LRRC41: variants seen among roughly 807,000 people sequenced by gnomAD.
LRRC41 encodes leucine-rich repeat-containing protein 41.
Under a neutral mutation model 72.1 loss-of-function variants are expected in LRRC41, and 17 were observed. That is an observed-to-expected ratio of 0.24 (90% CI 0.16 to 0.35). LRRC41 has a LOEUF of 0.35. Ranked by LOEUF, LRRC41 falls within the 10% of genes least tolerant of loss-of-function variation. The probability of loss-of-function intolerance (pLI) is 1.00; values close to 1 mark genes in which losing one functional copy is unlikely to be tolerated. For synonymous variants in LRRC41, 427 were observed against 431.0 expected (o/e 0.99, Z 0.11); for missense variants, 759 against 1,065.0 (o/e 0.71, Z 4.00).
intron 3 of LRRC41, among the ~76,000 whole-genome samples, chr1:46,296,374 G>A (rs988356093): frequency 3.3e-5 from 5 of 152,144 alleles, no homozygotes; most frequent in South Asian, 2.1e-4. Flanking sequence ...CCAAGATTGC[G>A]CCATTGCACT....
chr1:46,283,240 G>C (rs1202481819), intron 4 of LRRC41, among the ~76,000 whole-genome samples: 4 of 152,088 alleles, frequency 2.6e-5, no homozygotes, highest in Non-Finnish European at 5.9e-5. Context: ...GGAGTCCGGA[G>C]GAACTACTGA....
At position 46,285,466 on chromosome 1, in the gene LRRC41, G is replaced by A. The variant is rs1660864693; in HGVS notation, c.1391C>T (p.Thr464Ile). ...EASQRFRSIS[T>I]LELFTVPLST... ...GAGTGGAACTGTGAATAGCTCCAAG[G>A]TGGAGATGCTGCGGAATCTTTGTGA... Residue 464 changes from threonine to isoleucine, a missense_variant, in exon 4 of 10, where the codon ACC becomes ATC. Thr to Ile is a moderately conservative substitution (Grantham distance 89). Transcript: ENST00000617190. This position sits in a 1 kb window ranked among gnomAD's most constrained non-coding sequence, Gnocchi z 5.3. 2 of 1,614,058 alleles carry A rather than the reference G, an allele frequency of 1.2e-6. No individual in the cohort carries two copies. Among genetic ancestry groups the A allele is most frequent in the African/African-American group, 1.3e-5 (1 of 74,926 alleles).
Position 46,286,250 on chromosome 1 carries a change from G to A in LRRC41, c.607C>T (p.Leu203=), listed in dbSNP as rs1160743746. 1 of 1,614,280 alleles carries A rather than the reference G, an allele frequency of 6.2e-7. No homozygotes were observed. The highest frequency in any genetic ancestry group is 2.2e-5 in the East Asian group (1 of 44,892). Residue 203 remains leucine (L), a synonymous_variant, in exon 4 of 10, where the codon CTG becomes TTG. Transcript: ENST00000617190. The surrounding 1 kb of genome is among the most constrained non-coding windows in gnomAD (Gnocchi z 5.5). ...SSLHTLKFRH[L]LFSDVAAQQS... ...TGAGCAGCCACATCAGAGAACAGCA[G>A]GTGGCGGAACTTGAGAGTGTGCAGG...
rs765897257 is a variant in LRRC41 at position 46,279,422 on chromosome 1, T to G, written c.2143+70A>C. On this transcript the variant is annotated intron_variant, in intron 8 of 9. Coordinates refer to ENST00000617190, the MANE Select transcript of LRRC41 (RefSeq NM_006369.5). The surrounding 1 kb of genome is among the most constrained non-coding windows in gnomAD (Gnocchi z 4.5). ...GTTCCCAGTGGAGAGGTCTTTGCCTTTATCCAGTGAGTTTTTAGGTCAAAG... is the reference window on the plus strand; with the variant it reads ...GTTCCCAGTGGAGAGGTCTTTGCCTGTATCCAGTGAGTTTTTAGGTCAAAG... 6.2e-7 allele frequency: 1 copy of G among 1,611,686 alleles called. No homozygotes were observed. Among genetic ancestry groups the G allele is most frequent in the Non-Finnish European group, 8.5e-7 (1 of 1,177,926 alleles).
rs535003279 is a variant in LRRC41, at chr1:46,293,183, A to C, written c.357+4380T>G. ...TGGCGACAGAGCGAGATTTCGTCTCAAAAAAAAAAAAAAATTAGTACTCTC... is the reference window on the plus strand; with the variant it reads ...TGGCGACAGAGCGAGATTTCGTCTCCAAAAAAAAAAAAAATTAGTACTCTC... On this transcript the variant is annotated intron_variant, in intron 3 of 9. Transcript: ENST00000617190. Among the ~76,000 whole-genome samples the C allele has an allele frequency of 8.7e-5, 12 of 138,290 alleles. No individual in the cohort carries two copies. In the East Asian group the frequency reaches 2.5e-3, roughly 29 times the overall value. 90.7% of individuals were successfully genotyped at this position (138,290 alleles called of 152,430 possible). A position where few individuals can be genotyped will look rare whatever the true frequency, so the allele number is the denominator to read the frequency against.
chr1:46,277,694 T>C lies in LRRC41; in HGVS notation c.*1171A>G. 2.6e-6 allele frequency: 3 copies of C among 1,141,572 alleles called. No homozygotes were observed. The highest frequency in any genetic ancestry group is 1.7e-5 in the Admixed American group (1 of 57,574). The allele number at this position is 1,141,572 out of a possible 1,614,324, so 70.7% of individuals were successfully genotyped here. A position where few individuals can be genotyped will look rare whatever the true frequency, so the allele number is the denominator to read the frequency against. On this transcript the variant is annotated 3_prime_UTR_variant, in exon 10 of 10. Coordinates refer to ENST00000617190, the MANE Select transcript of LRRC41 (RefSeq NM_006369.5). ...AGTAGAGATAATGTTCTGGGACTCA[T>C]ACTTTTTATTCATCTCCTCTTCTCG...
At chr1:46,281,718 G>A (rs528490632) in intron 4 of LRRC41, among the ~76,000 whole-genome samples, 2 of 152,220 alleles carry the variant, frequency 1.3e-5, no homozygotes, top group African/African-American at 2.4e-5. Flanking sequence ...TCTGGGTTCT[G>A]AGTAGTTTTC....
At chr1:46,303,047 C>T in intron 1 of LRRC41, 77 bp downstream of exon 1, 1 of 1,344,052 alleles carries the variant, frequency 7.4e-7, no homozygotes. Flanking sequence ...GGCCTCCCGG[C>T]CTCGCCCCCC....
chr1:46,303,104 C>G lies in LRRC41; in HGVS notation c.199+20G>C. The G allele has an allele frequency of 7.3e-7, 1 of 1,372,140 alleles. No homozygotes were observed. The highest frequency in any genetic ancestry group is 9.4e-7 in the Non-Finnish European group (1 of 1,063,788). The allele number at this position is 1,372,140 out of a possible 1,614,324, so 85.0% of individuals were successfully genotyped here. ...GCCCCTTGCTCTTAGCCAGAGGTAG[C>G]CCCTCACCCCGCGACTTACCCCACA... On this transcript the variant is annotated intron_variant, in intron 1 of 9. Coordinates refer to ENST00000617190, the MANE Select transcript of LRRC41 (RefSeq NM_006369.5).
Position 46,302,893 on chromosome 1 carries a change from C to A in LRRC41, c.199+231G>T. The A allele has an allele frequency of 2.0e-6, 2 of 985,454 alleles. No homozygotes were observed. Among genetic ancestry groups the A allele is most frequent in the Non-Finnish European group, 2.4e-6 (2 of 829,932 alleles). The allele number at this position is 985,454 out of a possible 1,614,324, so 61.0% of individuals were successfully genotyped here. On this transcript the variant is annotated intron_variant, in intron 1 of 9. Transcript: ENST00000617190. The surrounding 1 kb of genome is among the most constrained non-coding windows in gnomAD (Gnocchi z 4.7). ...CAGACCGGGCCTCCTGGCCTCGCCC[C>A]CCGCGCCCCCGAGCCAGGCCGCGGT... is the stretch of plus-strand genomic sequence containing the variant.
chr1:46,289,559 G>A (rs1420755062), intron 3 of LRRC41, among the ~76,000 whole-genome samples: 1 of 152,044 alleles, frequency 6.6e-6, no homozygotes, highest in Non-Finnish European at 1.5e-5. Context: ...TCAGGAGATC[G>A]AGGCCATCCT....
intron 3 of LRRC41, among the ~76,000 whole-genome samples, chr1:46,292,898 ACT>A (rs1661046369): frequency 6.7e-6 from 1 of 150,036 alleles, no homozygotes; most frequent in Non-Finnish European, 1.5e-5. Context: ...AATAATTAGC[ACT>A]CTCGGCTGGG....
intron 2 of LRRC41, 73 bp from the exon 3 acceptor site, chr1:46,297,706 C>CT: frequency 8.9e-7 from 1 of 1,121,654 alleles, no homozygotes; most frequent in South Asian, 1.2e-5. Context: ...TTCATGTTGT[C>CT]TTCTGGGTTC....
At chr1:46,292,764 A>T (rs1051211330) in intron 3 of LRRC41, among the ~76,000 whole-genome samples, 2 of 152,130 alleles carry the variant, frequency 1.3e-5, no homozygotes, top group Non-Finnish European at 2.9e-5. Flanking sequence ...TTTACCTTTT[A>T]AAATTTGGTT....
intron 4 of LRRC41, chr1:46,284,530 A>T (rs1660845465): frequency 6.6e-6 from 1 of 152,168 alleles, no homozygotes; most frequent in Admixed American, 6.5e-5. Context: ...ATTTTTATAT[A>T]CTTTGTTGTG....
chr1:46,290,916 G>GTTTTTT (rs71062750), intron 3 of LRRC41, among the ~76,000 whole-genome samples: 17 of 65,720 alleles, frequency 2.6e-4, no homozygotes, highest in South Asian at 6.3e-4. Context: ...CCTGTTTCTA[G>GTTTTTT]TTTTTTTTTT....
intron 3 of LRRC41, among the ~76,000 whole-genome samples, chr1:46,290,782 T>C (rs897653407): frequency 1.3e-5 from 2 of 152,094 alleles, no homozygotes; most frequent in African/African-American, 4.8e-5. Flanking sequence ...AATTTTTTGG[T>C]ATTTTTTAGT....
rs1660721375 is a variant in LRRC41 at position 46,279,373 on chromosome 1, A to C, written c.2144-116T>G. On this transcript the variant is annotated intron_variant, in intron 8 of 9. Coordinates refer to ENST00000617190, the MANE Select transcript of LRRC41 (RefSeq NM_006369.5). This position sits in a 1 kb window ranked among gnomAD's most constrained non-coding sequence, Gnocchi z 4.5. ...GCTGGTTCCTGAAGCCCCAGCACAGAAATATCTGTATTCCAACTCCCACGT... is the reference window on the plus strand; with the variant it reads ...GCTGGTTCCTGAAGCCCCAGCACAGCAATATCTGTATTCCAACTCCCACGT... The C allele has an allele frequency of 6.3e-7, 1 of 1,584,964 alleles. No individual in the cohort carries two copies. The highest frequency in any genetic ancestry group is 1.7e-5 in the Admixed American group (1 of 59,978).
chr1:46,291,163 G>A (rs1661007738), intron 3 of LRRC41, among the ~76,000 whole-genome samples: 1 of 151,592 alleles, frequency 6.6e-6, no homozygotes, highest in Admixed American at 6.6e-5. Flanking sequence ...GACCTCAAGT[G>A]ATCCGCCGCC....
Sources: gnomAD v4.1 joint callset for allele counts (sites outside exome capture counted in the v4.1 genomes callset) on GRCh38, gnomAD v4.1.1 for gene constraint, Gnocchi (gnomAD v3.1) non-coding constraint, MANE v1.5 for transcripts, NCBI Gene and HGNC (gene_info 2026-07-23, HGNC 2026-07-21) for gene names.